Variants in OR1I1 observed in about 807,000 individuals in gnomAD.
OR1I1 encodes the protein olfactory receptor 1I1.
For synonymous variants in OR1I1, 171 were observed against 181.4 expected (o/e 0.94, Z 0.46); for missense variants, 451 against 443.6 (o/e 1.02, Z -0.15).
intron 1 of OR1I1, among the ~76,000 whole-genome samples, chr19:15,085,145 TATATATATATATATATATATATA>T (rs1447160599): frequency 3.9e-4 from 12 of 30,448 alleles, no homozygotes; most frequent in African/African-American, 1.8e-3. Flanking sequence ...TATATATATA[TATATATATATATATATATATATA>T]TATATATATT....
At chr19:15,083,051 C>A (rs2046215806) in intron 1 of OR1I1, among the ~76,000 whole-genome samples, 1 of 152,002 alleles carries the variant, frequency 6.6e-6, no homozygotes, top group Non-Finnish European at 1.5e-5. Context: ...AAGAGATCCT[C>A]CTACCTTGGC....
Position 15,087,953 on chromosome 19 carries a change from T to A in OR1I1, c.888T>A (p.Asp296Glu). 6.2e-7 allele frequency: 1 copy of A among 1,614,154 alleles called. No individual in the cohort carries two copies. Among genetic ancestry groups the A allele is most frequent in the South Asian group, 1.1e-5 (1 of 91,086 alleles). ...TTATCTACAGCATACGGAACAAGGA[T>A]ATGAAGGCAGCCCTGGGGAAGCTCA... ...NPFIYSIRNK[D>E]MKAALGKLIG... The change falls in exon 2 of 2, where the codon GAT becomes GAA. Residue 296 changes from aspartate (D) to glutamate (E), a missense_variant. By Grantham distance (45) the Asp-to-Glu change is conservative. Transcript: ENST00000641398.
intron 1 of OR1I1, among the ~76,000 whole-genome samples, chr19:15,083,110 T>C (rs879099429): frequency 2.0e-5 from 3 of 151,784 alleles, no homozygotes; most frequent in Non-Finnish European, 4.4e-5. Flanking sequence ...GTCCAGCTAA[T>C]TTTTTATTTT....
chr19:15,086,738 G>A (rs77627298), intron 1 of OR1I1, among the ~76,000 whole-genome samples: 135 of 152,138 alleles, frequency 8.9e-4, no homozygotes, highest in African/African-American at 3.1e-3. Flanking sequence ...TTACAGGCGC[G>A]GGCCACTTGG....
chr19:15,087,332 C>A lies in OR1I1; in HGVS notation c.267C>A (p.Ser89Arg). 1 of 1,614,200 alleles carries A rather than the reference C, an allele frequency of 6.2e-7. No individual in the cohort carries two copies. The highest frequency in any genetic ancestry group is 8.5e-7 in the Non-Finnish European group (1 of 1,180,022). The change falls in exon 2 of 2, where the codon AGC becomes AGA. Residue 89 changes from serine to arginine, a missense_variant. Physicochemically the swap from Ser to Arg is moderately radical, Grantham distance 110. Transcript: ENST00000641398. ...TGCTAGCGAACATCCAGGCTCAGAG[C>A]AGAGCCATCCCCTTTGTGGGCTGCC... ...PKMLANIQAQ[S>R]RAIPFVGCLT...
rs186344710 is a variant in OR1I1 at position 15,083,690 on chromosome 19, G to A, written c.-14+1414G>A. ...TAAAAACCCCTTTCATCGGCTGGGC[G>A]CTGAAATGATGAGATTACTGGGCTC... On this transcript the variant is annotated intron_variant, in intron 1 of 1. Coordinates refer to ENST00000641398, the MANE Select transcript of OR1I1 (RefSeq NM_001004713.2). Among the ~76,000 whole-genome samples, 216 of 152,268 alleles carry A rather than the reference G, an allele frequency of 1.4e-3. 1 individual carries two copies. Among genetic ancestry groups the A allele is most frequent in the African/African-American group, 4.9e-3 (205 of 41,550 alleles).
intron 1 of OR1I1, among the ~76,000 whole-genome samples, chr19:15,084,582 C>T (rs7245640): frequency 0.067 from 10,206 of 151,522 alleles, 1,027 homozygotes; most frequent in African/African-American, 0.22. Context: ...AGAAAGAAAC[C>T]GGCTCCTCAT....
intron 1 of OR1I1, among the ~76,000 whole-genome samples, chr19:15,083,982 T>G (rs1449875504): frequency 2.6e-5 from 4 of 151,954 alleles, no homozygotes; most frequent in Non-Finnish European, 5.9e-5. Context: ...AGTGAGACTC[T>G]GTCTCGAAAA....
rs1335822089 is a variant in OR1I1 at position 15,089,221 on chromosome 19, C to T, written c.*1088C>T. 6.6e-6 allele frequency: 1 copy of T among 152,104 alleles called. No individual in the cohort carries two copies. The highest frequency in any genetic ancestry group is 1.9e-4 in the East Asian group (1 of 5,194). The allele number at this position is 152,104 out of a possible 1,614,324, so 9.4% of individuals were successfully genotyped here. A position where few individuals can be genotyped will look rare whatever the true frequency, so the allele number is the denominator to read the frequency against. On this transcript the variant is annotated 3_prime_UTR_variant, in exon 2 of 2. Coordinates refer to ENST00000641398, the MANE Select transcript of OR1I1 (RefSeq NM_001004713.2). ...GCTTAGTCAGCCAGCAAGCCTCAGC[C>T]TCCTGGGGGGTCTTGAGACCTCCAC...
At position 15,085,130 on chromosome 19, in the gene OR1I1, T is replaced by TTTTATATATA. The variant is rs1253261208; in HGVS notation, c.-13-1922_-13-1921insTTATATATAT. Among the ~76,000 whole-genome samples the TTTTATATATA allele has an allele frequency of 1.4e-3, 41 of 28,530 alleles. 2 individuals carry two copies. The highest frequency in any genetic ancestry group is 3.0e-3 in the East Asian group (2 of 658). 18.7% of individuals were successfully genotyped at this position (28,530 alleles called of 152,430 possible). On this transcript the variant is annotated intron_variant, in intron 1 of 1. Transcript: ENST00000641398. ...TAGGTATGTTCAATGCATTTTTGAC[T>TTTTATATATA]TATATATATATATATATATATATAT...
At position 15,088,094 on chromosome 19, in the gene OR1I1, A is replaced by G. The variant is rs540775866; in HGVS notation, c.1029A>G (p.Gly343=). Residue 343 remains glycine, a synonymous_variant, in exon 2 of 2, where the codon GGA becomes GGG. Transcript: ENST00000641398. ...AGATGCATCCCATCCCCTACCCTGGAGGAGTTCAGAGTCTAGCTGGGAACA... is the reference window on the plus strand; with the variant it reads ...AGATGCATCCCATCCCCTACCCTGGGGGAGTTCAGAGTCTAGCTGGGAACA... The part of the protein sequence containing the change: ...DTEMHPIPYP[G]GVQSLAGNRD... The G allele has an allele frequency of 1.3e-6, 2 of 1,561,580 alleles. No individual in the cohort carries two copies. Among genetic ancestry groups the G allele is most frequent in the African/African-American group, 1.4e-5 (1 of 73,842 alleles).
In OR1I1 at chr19:15,089,688, T is replaced by G. The variant is rs975573200; in HGVS notation, c.*1555T>G. ...AAAATAAAAATGAAAAAAGAAAAAA[T>G]TACCTGGGTGTGGTGGTGTGCACCT... On this transcript the variant is annotated 3_prime_UTR_variant, in exon 2 of 2. Transcript: ENST00000641398. The G allele has an allele frequency of 1.3e-5, 2 of 151,614 alleles. No individual in the cohort carries two copies. The highest frequency in any genetic ancestry group is 4.8e-5 in the African/African-American group (2 of 41,238). 9.4% of individuals were successfully genotyped at this position (151,614 alleles called of 1,614,324 possible). A position where few individuals can be genotyped will look rare whatever the true frequency, so the allele number is the denominator to read the frequency against.
rs1207667174 is a variant in OR1I1, at chr19:15,087,126, C to A, written c.61C>A (p.Pro21Thr). Reference sequence around the variant, plus strand: ...CTTCCTCCAGGGACTCTCAGAAAAGCCAGAGCATCAGACCCTCCTCTTCAC... The same window carrying A: ...CTTCCTCCAGGGACTCTCAGAAAAGACAGAGCATCAGACCCTCCTCTTCAC... ...EFFLQGLSEK[P>T]EHQTLLFTMF... Residue 21 changes from proline to threonine, a missense_variant, in exon 2 of 2, where the codon CCA becomes ACA. By Grantham distance (38) the Pro-to-Thr change is conservative (BLOSUM62 -1). Transcript: ENST00000641398. 1 of 1,614,032 alleles carries A rather than the reference C, an allele frequency of 6.2e-7. No homozygotes were observed. The highest frequency in any genetic ancestry group is 8.5e-7 in the Non-Finnish European group (1 of 1,180,002).
chr19:15,087,491 G>A lies in OR1I1; in HGVS notation c.426G>A (p.Gly142=), dbSNP rs1478760349. 4 of 1,613,948 alleles carry A rather than the reference G, an allele frequency of 2.5e-6. No homozygotes were observed. Among genetic ancestry groups the A allele is most frequent in the Non-Finnish European group, 3.4e-6 (4 of 1,179,988 alleles). ...YLVLMCSPVC[G]LLLGASWMIT... ...TTCTCATGTGCTCCCCTGTCTGTGG[G>A]CTGCTGCTGGGAGCATCATGGATGA... The change falls in exon 2 of 2, where the codon GGG becomes GGA. Residue 142 remains glycine, a synonymous_variant. Transcript: ENST00000641398.
chr19:15,086,645 G>A (rs1287707221), intron 1 of OR1I1, among the ~76,000 whole-genome samples: 1 of 151,740 alleles, frequency 6.6e-6, no homozygotes, highest in Non-Finnish European at 1.5e-5. Context: ...TAGTAGAGAC[G>A]GGGATTCACC....
rs544203100 is a variant in OR1I1 at position 15,089,484 on chromosome 19, A to G, written c.*1351A>G. On this transcript the variant is annotated 3_prime_UTR_variant, in exon 2 of 2. Transcript: ENST00000641398. ...CACAGCAGATCAGGTGGCCCGGGGCACTTAAAAAGTTAGTGTTATGGGTTG... is the reference window on the plus strand; with the variant it reads ...CACAGCAGATCAGGTGGCCCGGGGCGCTTAAAAAGTTAGTGTTATGGGTTG... 9.8e-4 allele frequency: 149 copies of G among 152,216 alleles called. No homozygotes were observed. The highest frequency in any genetic ancestry group is 1.6e-3 in the Non-Finnish European group (109 of 68,040). The allele number at this position is 152,216 out of a possible 1,614,324, so 9.4% of individuals were successfully genotyped here.
At chr19:15,085,176 AT>A (rs757508009) in intron 1 of OR1I1, among the ~76,000 whole-genome samples, 26 of 80,140 alleles carry the variant, frequency 3.2e-4, no homozygotes, top group Admixed American at 5.4e-4. Context: ...ATATATATAT[AT>A]TTTTTTTTTT....
Position 15,087,275 on chromosome 19 carries a change from C to T in OR1I1, c.210C>T (p.Asp70=). ...YFFLFNLSLV[D]TLLSSTTVPK... is the part of the protein sequence containing the mutation. ...TTCTCTTCAACCTCTCACTCGTTGA[C>T]ACCCTATTATCCTCCACCACCGTCC... The change falls in exon 2 of 2, where the codon GAC becomes GAT. Residue 70 remains aspartate, a synonymous_variant. Coordinates refer to ENST00000641398, the MANE Select transcript of OR1I1 (RefSeq NM_001004713.2). 3 of 1,614,126 alleles carry T rather than the reference C, an allele frequency of 1.9e-6. No individual in the cohort carries two copies. Among genetic ancestry groups the T allele is most frequent in the Non-Finnish European group, 2.5e-6 (3 of 1,180,016 alleles).
At position 15,088,266 on chromosome 19, in the gene OR1I1, C is replaced by T; in HGVS notation, c.*133C>T. On this transcript the variant is annotated 3_prime_UTR_variant, in exon 2 of 2. Transcript: ENST00000641398. ...ATCAGAATAGCAAGGATCAAACTGG[C>T]CTGAAATTAGCCCTCCTGGAGGATC... 2.6e-6 allele frequency: 3 copies of T among 1,163,250 alleles called. No individual in the cohort carries two copies. The highest frequency in any genetic ancestry group is 1.7e-5 in the South Asian group (1 of 60,340). 72.1% of individuals were successfully genotyped at this position (1,163,250 alleles called of 1,614,324 possible).
Sources: allele counts gnomAD v4.1 joint callset (sites outside exome capture counted in the v4.1 genomes callset), GRCh38; gene constraint gnomAD v4.1.1; transcripts MANE v1.5; gene names NCBI Gene and HGNC (gene_info 2026-07-23, HGNC 2026-07-21).